The following NTM variants were observed in gnomAD, a reference collection of about 807,000 sequenced individuals.
NTM encodes the protein IgLON family member 2.
Under a neutral mutation model 42.1 loss-of-function variants are expected in NTM, and 13 were observed. The ratio of observed to expected loss-of-function variants is 0.31; its 90% CI spans 0.20 to 0.49. The LOEUF (loss-of-function observed/expected upper bound fraction) is 0.49. Ranked by LOEUF, NTM falls within the 20% of genes least tolerant of loss-of-function variation. The pLI, the probability that NTM is intolerant of heterozygous loss-of-function variation, is 0.99. For synonymous variants in NTM, 187 were observed against 179.2 expected (o/e 1.04, Z -0.35); for missense variants, 373 against 452.8 (o/e 0.82, Z 1.60).
At chr11:131,793,452 G>A (rs1274566723) in intron 1 of NTM, among the ~76,000 whole-genome samples, 14 of 152,202 alleles carry the variant, frequency 9.2e-5, no homozygotes, top group Admixed American at 9.2e-4. Flanking sequence ...ACTGTGTTAT[G>A]TTCTTTAACT....
At chr11:132,068,238 T>C (rs2056818577) in intron 2 of NTM, among the ~76,000 whole-genome samples, 2 of 152,342 alleles carry the variant, frequency 1.3e-5, no homozygotes, top group South Asian at 4.1e-4. Context: ...AGGGTCTTTT[T>C]TTGCGTAACA....
intron 2 of NTM, among the ~76,000 whole-genome samples, chr11:132,056,272 G>A (rs994897272): frequency 1.3e-5 from 2 of 152,200 alleles, no homozygotes; most frequent in Non-Finnish European, 2.9e-5. Context: ...GAGAGAGAGA[G>A]AATGGCTATG....
At chr11:132,227,728 A>G (rs145675851) in intron 4 of NTM, among the ~76,000 whole-genome samples, 550 of 152,340 alleles carry the variant, frequency 3.6e-3, no homozygotes, top group African/African-American at 0.011. Flanking sequence ...AATTTGGAAC[A>G]AAAGTCACTA....
intron 1 of NTM, among the ~76,000 whole-genome samples, chr11:131,392,572 A>G (rs1298654924): frequency 1.3e-5 from 2 of 152,218 alleles, no homozygotes; most frequent in East Asian, 3.9e-4. Context: ...CCTCGCCTTG[A>G]GAAGGATGTG....
chr11:131,505,525 C>T (rs964459798), intron 1 of NTM, among the ~76,000 whole-genome samples: 3 of 152,122 alleles, frequency 2.0e-5, no homozygotes, highest in African/African-American at 7.2e-5. Context: ...GATTATTTAC[C>T]CCCTTTTCAC....
At chr11:131,514,501 A>G (rs1287947448) in intron 1 of NTM, among the ~76,000 whole-genome samples, 1 of 152,232 alleles carries the variant, frequency 6.6e-6, no homozygotes, top group Non-Finnish European at 1.5e-5. Context: ...GGAAGGTGGA[A>G]TTCAGGTATC....
intron 2 of NTM, among the ~76,000 whole-genome samples, chr11:131,939,903 A>G (rs2059617444): frequency 6.6e-6 from 1 of 152,174 alleles, no homozygotes; most frequent in South Asian, 2.1e-4. Flanking sequence ...AGGCAGTGAC[A>G]GTGGATGTGT....
At position 131,409,863 on chromosome 11, in the gene NTM, C is replaced by A. The variant is rs1438713229; in HGVS notation, c.82+38975C>A. 2.0e-5 allele frequency among the ~76,000 whole-genome samples: 3 copies of A among 152,120 alleles called. No individual in the cohort carries two copies. The East Asian group carries it at 5.8e-4, about 29-fold the overall frequency. ...TCTGTCTTAAAAACAAAAATCTCTCCTTTTTTAATCATCTCCTCCTGTAAA... is the reference window on the plus strand; with the variant it reads ...TCTGTCTTAAAAACAAAAATCTCTCATTTTTTAATCATCTCCTCCTGTAAA... On this transcript the variant is annotated intron_variant, in intron 1 of 8. Coordinates refer to ENST00000683400, the MANE Select transcript of NTM (RefSeq NM_001352005.2).
chr11:131,915,745 G>A (rs1006343670), intron 2 of NTM, among the ~76,000 whole-genome samples: 14 of 152,120 alleles, frequency 9.2e-5, no homozygotes, highest in African/African-American at 3.1e-4. Flanking sequence ...ATTTTACACG[G>A]CGGCAGATGA....
chr11:131,848,798 TCTC>T (rs1332490535), intron 1 of NTM, among the ~76,000 whole-genome samples: 3 of 152,048 alleles, frequency 2.0e-5, no homozygotes, highest in Non-Finnish European at 4.4e-5. Context: ...ACCCAAACCT[TCTC>T]CTCCAAGTCC....
At chr11:131,614,944 C>A (rs1057019767) in intron 1 of NTM, among the ~76,000 whole-genome samples, 1 of 152,214 alleles carries the variant, frequency 6.6e-6, no homozygotes, top group Non-Finnish European at 1.5e-5. Context: ...TCGCCAAGCT[C>A]ATGCCCCCTC....
At chr11:131,380,408 T>C (rs1393890523) in intron 1 of NTM, among the ~76,000 whole-genome samples, 7 of 151,970 alleles carry the variant, frequency 4.6e-5, no homozygotes, top group Non-Finnish European at 7.4e-5. Context: ...ATGGGATTTC[T>C]CCATGTTGGT....
intron 1 of NTM, among the ~76,000 whole-genome samples, chr11:131,752,363 G>A (rs2082670181): frequency 6.6e-6 from 1 of 152,184 alleles, no homozygotes; most frequent in Non-Finnish European, 1.5e-5. Flanking sequence ...CAGTTAGAAT[G>A]ACGATCATTA....
chr11:131,527,241 AC>A (rs2050626772), intron 1 of NTM, among the ~76,000 whole-genome samples: 1 of 151,992 alleles, frequency 6.6e-6, no homozygotes, highest in Non-Finnish European at 1.5e-5. Flanking sequence ...CTTATTCTGA[AC>A]CCAACCTGTT....
At chr11:131,671,577 G>A (rs1377979383) in intron 1 of NTM, 2 of 985,060 alleles carry the variant, frequency 2.0e-6, no homozygotes, top group East Asian at 1.1e-4. Flanking sequence ...CCCTCCTCTG[G>A]AGCCCACGCT....
chr11:131,633,706 C>T (rs1367104801), intron 1 of NTM, among the ~76,000 whole-genome samples: 5 of 18,426 alleles, frequency 2.7e-4, no homozygotes, highest in Non-Finnish European at 4.1e-4. Flanking sequence ...TCCCTCTCTC[C>T]TTCTCTCCCT....
At chr11:131,527,727 C>T (rs1437271917) in intron 1 of NTM, among the ~76,000 whole-genome samples, 1 of 152,176 alleles carries the variant, frequency 6.6e-6, no homozygotes, top group Admixed American at 6.5e-5. Flanking sequence ...GGAGCATGCA[C>T]TCAAATACAC....
At chr11:131,493,921 T>C (rs1210617253) in intron 1 of NTM, among the ~76,000 whole-genome samples, 1 of 152,198 alleles carries the variant, frequency 6.6e-6, no homozygotes, top group Admixed American at 6.5e-5. Flanking sequence ...TAGCCTCTTA[T>C]TTCAATTCTG....
intron 1 of NTM, among the ~76,000 whole-genome samples, chr11:131,698,485 T>A (rs1410626070): frequency 6.6e-6 from 1 of 152,162 alleles, no homozygotes; most frequent in African/African-American, 2.4e-5. Context: ...TTCACCCGCA[T>A]AACAACACGA....
Sources: allele counts gnomAD v4.1 joint callset (sites outside exome capture counted in the v4.1 genomes callset), GRCh38; gene constraint gnomAD v4.1.1; transcripts MANE v1.5; gene names NCBI Gene and HGNC (gene_info 2026-07-23, HGNC 2026-07-21).